The following NPY2R variants were observed in gnomAD, a reference collection of about 807,000 sequenced individuals.
The protein encoded by NPY2R is neuropeptide Y receptor Y2, also known as neuropeptide Y receptor type 2.
NPY2R carries 17 observed loss-of-function variants against 22.3 expected under a neutral mutation model. The observed-to-expected ratio is 0.76, with a 90% CI of 0.52 to 1.14. The LOEUF (loss-of-function observed/expected upper bound fraction) is 1.14, where lower values mean the gene tolerates loss of function less well. Ranked by LOEUF, NPY2R falls within the 50% of genes most tolerant of loss-of-function variation. The probability of loss-of-function intolerance (pLI) is 0.00; values close to 1 mark genes in which losing one functional copy is unlikely to be tolerated. For missense variants in NPY2R, 424 were observed against 467.9 expected, an observed-to-expected ratio of 0.91 and a Z score of 0.87; for synonymous variants, 209 against 183.4, an observed-to-expected ratio of 1.14 and a Z score of -1.13.
upstream of NPY2R, among the ~76,000 whole-genome samples, chr4:155,205,893 T>A (rs191023314): frequency 3.9e-5 from 6 of 152,250 alleles, no homozygotes; most frequent in African/African-American, 1.4e-4. Context: ...ACTAGGAGTT[T>A]TGGATTTTTA....
chr4:155,174,640 C>T, the NPY2R span, among the ~76,000 whole-genome samples: 1 of 151,688 alleles, frequency 6.6e-6, no homozygotes, highest in Admixed American at 6.6e-5. Flanking sequence ...TAAAATTATA[C>T]ATCCCCATTC....
the NPY2R span, among the ~76,000 whole-genome samples, chr4:155,195,693 G>A: frequency 4.6e-5 from 7 of 151,912 alleles, no homozygotes; most frequent in East Asian, 1.4e-3. Flanking sequence ...TGCATTCCCT[G>A]TTTCAGGTAA....
chr4:155,192,957 A>G, the NPY2R span, among the ~76,000 whole-genome samples: 1 of 151,930 alleles, frequency 6.6e-6, no homozygotes, highest in Non-Finnish European at 1.5e-5. Context: ...ATGAGTGTCC[A>G]TTTTAAGTAG....
At chr4:155,193,479 G>A in the NPY2R span, among the ~76,000 whole-genome samples, 3 of 151,916 alleles carry the variant, frequency 2.0e-5, no homozygotes, top group Admixed American at 1.3e-4. Flanking sequence ...CTGAGAAATG[G>A]GATCCAAGGA....
At chr4:155,179,285 C>A in the NPY2R span, among the ~76,000 whole-genome samples, 1 of 152,080 alleles carries the variant, frequency 6.6e-6, no homozygotes, top group Non-Finnish European at 1.5e-5. Flanking sequence ...TATTTTCCTG[C>A]TTCATTGTAT....
At chr4:155,179,201 T>C in the NPY2R span, among the ~76,000 whole-genome samples, 3 of 152,180 alleles carry the variant, frequency 2.0e-5, no homozygotes, top group African/African-American at 7.2e-5. Context: ...TTTCTTAATG[T>C]TCTTGTGTGC....
At chr4:155,205,817 CT>C (rs998156445), upstream of NPY2R, among the ~76,000 whole-genome samples, 41 of 149,750 alleles carry the variant, frequency 2.7e-4, no homozygotes, top group African/African-American at 1.0e-3. Context: ...ATCTATCTAT[CT>C]ATCTATCTAT....
the NPY2R span, among the ~76,000 whole-genome samples, chr4:155,199,880 G>A: frequency 0.02 from 3,093 of 152,014 alleles, 117 homozygotes; most frequent in African/African-American, 0.069. Context: ...AGACTTAAAC[G>A]TAAAACCAAA....
Position 155,214,787 on chromosome 4 carries a change from C to G in NPY2R, c.848C>G (p.Pro283Arg). The G allele has an allele frequency of 6.2e-7, 1 of 1,613,474 alleles. No individual in the cohort carries two copies. The highest frequency in any genetic ancestry group is 1.1e-5 in the South Asian group (1 of 91,050). Residue 283 changes from proline to arginine, a missense_variant, in exon 2 of 2, where the codon CCT (proline) becomes CGT (arginine). Physicochemically the swap from Pro to Arg is moderately radical, Grantham distance 103 (BLOSUM62 -2). Coordinates refer to ENST00000329476, the MANE Select transcript of NPY2R (RefSeq NM_000910.4). Reference protein sequence around the residue: ...VVVVFAVSWLPLHAFQLAVDI... With the variant: ...VVVVFAVSWLRLHAFQLAVDI... ...GTGGTGTTTGCGGTCAGCTGGCTGCCTCTCCATGCCTTCCAGCTTGCCGTT... is the reference window on the plus strand; with the variant it reads ...GTGGTGTTTGCGGTCAGCTGGCTGCGTCTCCATGCCTTCCAGCTTGCCGTT...
intron 1 of NPY2R, among the ~76,000 whole-genome samples, chr4:155,210,927 T>G (rs557245362): frequency 6.6e-6 from 1 of 152,180 alleles, no homozygotes. Flanking sequence ...TGGGTTATAC[T>G]GACAATTTAA....
chr4:155,191,989 C>T, the NPY2R span, among the ~76,000 whole-genome samples: 1 of 151,858 alleles, frequency 6.6e-6, no homozygotes, highest in Non-Finnish European at 1.5e-5. Flanking sequence ...CCACTTTATG[C>T]ATCATTGTAT....
upstream of NPY2R, among the ~76,000 whole-genome samples, chr4:155,204,402 A>C (rs965669723): frequency 6.6e-6 from 1 of 152,144 alleles, no homozygotes; most frequent in African/African-American, 2.4e-5. Flanking sequence ...TTGCCTTTTC[A>C]TGGAAGAAGT....
chr4:155,195,453 G>C, the NPY2R span, among the ~76,000 whole-genome samples: 1 of 151,890 alleles, frequency 6.6e-6, no homozygotes, highest in African/African-American at 2.4e-5. Flanking sequence ...AGGAACACCA[G>C]ACAATTTTGA....
the NPY2R span, among the ~76,000 whole-genome samples, chr4:155,195,180 G>A: frequency 6.6e-6 from 1 of 151,946 alleles, no homozygotes; most frequent in Non-Finnish European, 1.5e-5. Context: ...GAACTCTGCA[G>A]CAGCTTCTGA....
chr4:155,214,386 C>T lies in NPY2R; in HGVS notation c.447C>T (p.His149=). The change falls in exon 2 of 2, where the codon CAC becomes CAT. Residue 149 remains histidine, a synonymous_variant. Transcript: ENST00000329476. ...ITLTVIALDR[H]RCIVYHLESK... ...TGACAGTAATTGCCCTGGACCGGCA[C>T]AGGTGCATCGTCTACCACCTAGAGA... 1 of 1,614,102 alleles carries T rather than the reference C, an allele frequency of 6.2e-7. No homozygotes were observed. The highest frequency in any genetic ancestry group is 8.5e-7 in the Non-Finnish European group (1 of 1,180,028).
Position 155,214,674 on chromosome 4 carries a change from A to G in NPY2R, c.735A>G (p.Lys245=). The change falls in exon 2 of 2, where the codon AAA becomes AAG. Residue 245 remains lysine (K), a synonymous_variant. Transcript: ENST00000329476. ...TTTCCTACACTCGCATTTGGAGTAA[A>G]TTGAAGAACCATGTCAGTCCTGGAG... is the stretch of plus-strand genomic sequence containing the variant. ...ISFSYTRIWS[K]LKNHVSPGAA... 2 of 1,614,192 alleles carry G rather than the reference A, an allele frequency of 1.2e-6. No homozygotes were observed. The highest frequency in any genetic ancestry group is 1.1e-5 in the South Asian group (1 of 91,084).
the NPY2R span, among the ~76,000 whole-genome samples, chr4:155,200,219 C>T: frequency 1.3e-5 from 2 of 152,068 alleles, no homozygotes; most frequent in African/African-American, 2.4e-5. Context: ...CAAAAGAAGA[C>T]ATTACGTGGT....
At chr4:155,194,656 G>A in the NPY2R span, among the ~76,000 whole-genome samples, 1 of 151,896 alleles carries the variant, frequency 6.6e-6, no homozygotes, top group Admixed American at 6.6e-5. Context: ...TGGGCATCTT[G>A]GTTGATTCCA....
At position 155,214,053 on chromosome 4, in the gene NPY2R, A is replaced by T. The variant is rs150101539; in HGVS notation, c.114A>T (p.Pro38=). ...PRGELVPDPE[P]ELIDSTKLIE... is the part of the protein sequence containing the mutation. ...GTGAACTGGTCCCTGACCCTGAGCC[A>T]GAGCTTATAGATAGTACCAAGCTGA... The change falls in exon 2 of 2, where the codon CCA becomes CCT. Residue 38 remains proline (P), a synonymous_variant. Coordinates refer to ENST00000329476, the MANE Select transcript of NPY2R (RefSeq NM_000910.4). 110 of 1,613,584 alleles carry T rather than the reference A, an allele frequency of 6.8e-5. No homozygotes were observed. Among genetic ancestry groups the T allele is most frequent in the Admixed American group, 1.0e-4 (6 of 60,002 alleles).
Sources: allele counts gnomAD v4.1 joint callset (sites outside exome capture counted in the v4.1 genomes callset), GRCh38; gene constraint gnomAD v4.1.1; transcripts MANE v1.5; gene names NCBI Gene and HGNC (gene_info 2026-07-23, HGNC 2026-07-21).